TNRC18: variants seen among roughly 807,000 people sequenced by gnomAD.
The protein encoded by TNRC18 is trinucleotide repeat-containing gene 18 protein.
TNRC18 carries 69 observed loss-of-function variants against 226.7 expected under a neutral mutation model. The observed-to-expected ratio is 0.30, with a 90% CI of 0.25 to 0.37. The LOEUF (loss-of-function observed/expected upper bound fraction) is 0.37, where lower values mean the gene tolerates loss of function less well. Among genes scored for constraint, TNRC18 ranks in the 10% least tolerant of loss-of-function variants. The probability of loss-of-function intolerance (pLI) is 1.00; values close to 1 mark genes in which losing one functional copy is unlikely to be tolerated. For missense variants in TNRC18, 4,754 were observed against 4,256.6 expected, an observed-to-expected ratio of 1.12 and a Z score of -3.25; for synonymous variants, 2,449 against 1,927.6, an observed-to-expected ratio of 1.27 and a Z score of -7.09.
chr7:5,343,081 C>T (rs908563147), intron 18 of TNRC18, among the ~76,000 whole-genome samples: 2 of 152,262 alleles, frequency 1.3e-5, no homozygotes, highest in East Asian at 3.9e-4. Flanking sequence ...CGTCCAGGCG[C>T]GGTGGCTCAC....
At chr7:5,404,113 C>G (rs1781300768) in intron 2 of TNRC18, among the ~76,000 whole-genome samples, 1 of 152,158 alleles carries the variant, frequency 6.6e-6, no homozygotes, top group Non-Finnish European at 1.5e-5. Flanking sequence ...TGGACCATGC[C>G]TGTAATCCCA....
chr7:5,352,797 C>T (rs1387178563), intron 16 of TNRC18, among the ~76,000 whole-genome samples: 3 of 152,244 alleles, frequency 2.0e-5, no homozygotes, highest in South Asian at 2.1e-4. Context: ...AGGCAGGCAA[C>T]GCTCCGGCCC....
At chr7:5,356,811 C>A (rs566064655) in intron 16 of TNRC18, 105 bp downstream of exon 16, 3 of 1,372,644 alleles carry the variant, frequency 2.2e-6, no homozygotes, top group African/African-American at 3.5e-5. Context: ...AGAGCGAGAG[C>A]GAGAGAGAGA....
intron 11 of TNRC18, 91 bp from the exon 12 acceptor site, chr7:5,362,916 C>G: frequency 1.5e-6 from 2 of 1,343,716 alleles, no homozygotes; most frequent in Non-Finnish European, 2.0e-6. Flanking sequence ...GCGCAGGCCC[C>G]AGGCCACACG....
intron 3 of TNRC18, among the ~76,000 whole-genome samples, chr7:5,392,086 G>C (rs1349876992): frequency 6.6e-6 from 1 of 151,996 alleles, no homozygotes; most frequent in Non-Finnish European, 1.5e-5. Flanking sequence ...CTTCTCTCCA[G>C]CACCGCCTTG....
At position 5,324,914 on chromosome 7, in the gene TNRC18, T is replaced by C. The variant is rs1028885840; in HGVS notation, c.6300+182A>G. ...ACATTTCCTGAGGACAGGAGCAGAG[T>C]CCCCAGTATCTCCTTATCCCTGGAG... On this transcript the variant is annotated intron_variant, in intron 20 of 29. Coordinates refer to ENST00000430969, the MANE Select transcript of TNRC18 (RefSeq NM_001080495.3). The surrounding 1 kb of genome is among the most constrained non-coding windows in gnomAD (Gnocchi z 4.8). Among the ~76,000 whole-genome samples, 1 of 151,870 alleles carries C rather than the reference T, an allele frequency of 6.6e-6. No homozygotes were observed. The highest frequency in any genetic ancestry group is 1.5e-5 in the Non-Finnish European group (1 of 67,948).
rs765914741 is a variant in TNRC18 at position 5,371,026 on chromosome 7, G to A, written c.3568C>T (p.Pro1190Ser). 6.2e-7 allele frequency: 1 copy of A among 1,609,422 alleles called. No individual in the cohort carries two copies. Among genetic ancestry groups the A allele is most frequent in the South Asian group, 1.1e-5 (1 of 91,064 alleles). The change falls in exon 11 of 30, where the codon CCC becomes TCC. Residue 1190 changes from proline (P) to serine (S), a missense_variant. Physicochemically the swap from Pro to Ser is moderately conservative, Grantham distance 74. Coordinates refer to ENST00000430969, the MANE Select transcript of TNRC18 (RefSeq NM_001080495.3). ...PLPAAEAMAT[P>S]SPAGGCGGGL... ...CCTCCACAACCCCCTGCAGGGCTGG[G>A]GGTAGCCATGGCTTCCGCGGCGGGC...
chr7:5,348,165 G>A (rs376643222), intron 17 of TNRC18, among the ~76,000 whole-genome samples: 1 of 152,168 alleles, frequency 6.6e-6, no homozygotes, highest in African/African-American at 2.4e-5. Context: ...ACCAAAAAGA[G>A]AGACTGTCTT....
Position 5,388,998 on chromosome 7 carries a change from G to A in TNRC18, c.826C>T (p.Leu276=). 7.3e-7 allele frequency: 1 copy of A among 1,361,514 alleles called. No individual in the cohort carries two copies. The highest frequency in any genetic ancestry group is 9.5e-7 in the Non-Finnish European group (1 of 1,049,404). The allele number at this position is 1,361,514 out of a possible 1,614,324, so 84.3% of individuals were successfully genotyped here. Residue 276 remains leucine, a synonymous_variant, in exon 5 of 30, where the codon CTG becomes TTG. Coordinates refer to ENST00000430969, the MANE Select transcript of TNRC18 (RefSeq NM_001080495.3). ...LAESKTKNAA[L]QPSVLTMCNG... is the part of the protein sequence containing the mutation. ...CACATGGTCAGTACCGACGGCTGCA[G>A]CGCCGCATTCTTGGTCTTGGACTCA...
intron 2 of TNRC18, chr7:5,420,003 G>T (rs1163188781): frequency 6.3e-6 from 1 of 157,938 alleles, no homozygotes; most frequent in Non-Finnish European, 1.4e-5. Context: ...TTTTTAAGTC[G>T]AGACTTGGGA....
intron 26 of TNRC18, 96 bp from the exon 27 acceptor site, chr7:5,313,959 T>A: frequency 7.8e-7 from 1 of 1,288,196 alleles, no homozygotes; most frequent in Non-Finnish European, 9.9e-7. Flanking sequence ...TGAGTTTTGT[T>A]TTTGTTTTTG....
At chr7:5,328,853 T>C (rs1429835085) in intron 19 of TNRC18, among the ~76,000 whole-genome samples, 1 of 152,088 alleles carries the variant, frequency 6.6e-6, no homozygotes, top group Non-Finnish European at 1.5e-5. Context: ...CAAGGTGTGT[T>C]GGTGTGCCAC....
chr7:5,337,672 A>G (rs141079333), intron 18 of TNRC18, among the ~76,000 whole-genome samples: 12 of 152,276 alleles, frequency 7.9e-5, no homozygotes, highest in East Asian at 1.9e-4. Flanking sequence ...ATTTCCTTAT[A>G]AGCCATTTAA....
At chr7:5,398,096 G>C (rs1022939791) in intron 2 of TNRC18, among the ~76,000 whole-genome samples, 1 of 151,930 alleles carries the variant, frequency 6.6e-6, no homozygotes, top group Non-Finnish European at 1.5e-5. Context: ...CAACTCCTGA[G>C]CTCAATCAAT....
chr7:5,373,703 C>G (rs1794368891), intron 10 of TNRC18, among the ~76,000 whole-genome samples: 1 of 152,096 alleles, frequency 6.6e-6, no homozygotes, highest in Non-Finnish European at 1.5e-5. Context: ...GGAAAGCTGC[C>G]CAGAATGGGT....
At chr7:5,415,160 C>T (rs1392755906) in intron 2 of TNRC18, among the ~76,000 whole-genome samples, 1 of 152,104 alleles carries the variant, frequency 6.6e-6, no homozygotes, top group African/African-American at 2.4e-5. Flanking sequence ...CCCCTCCCAC[C>T]AGCTCCAGCC....
At chr7:5,323,978 G>A (rs1180412747) in intron 21 of TNRC18, among the ~76,000 whole-genome samples, 1 of 152,222 alleles carries the variant, frequency 6.6e-6, no homozygotes, top group Non-Finnish European at 1.5e-5. Flanking sequence ...AAGCCCCGCA[G>A]GACCTGCCTC....
chr7:5,345,830 G>C lies in TNRC18; in HGVS notation c.5471-20C>G, dbSNP rs1435864647. 3.9e-6 allele frequency: 6 copies of C among 1,535,054 alleles called. No homozygotes were observed. In the South Asian group the frequency reaches 6.0e-5, roughly 15 times the overall value. ...TCTCATCTGGCGTGCAGAAAACAGG[G>C]ACCGAGTCAGAGCCTTGGCCTTGGC... On this transcript the variant is annotated intron_variant, in intron 17 of 29. Transcript: ENST00000430969.
At chr7:5,405,202 A>C (rs1019936622) in intron 2 of TNRC18, among the ~76,000 whole-genome samples, 2 of 152,130 alleles carry the variant, frequency 1.3e-5, no homozygotes, top group Admixed American at 6.6e-5. Flanking sequence ...CTGAGGCAGG[A>C]GGATCACTTG....
Sources: gnomAD v4.1 joint callset for allele counts (sites outside exome capture counted in the v4.1 genomes callset) on GRCh38, gnomAD v4.1.1 for gene constraint, Gnocchi (gnomAD v3.1) non-coding constraint, MANE v1.5 for transcripts, NCBI Gene and HGNC (gene_info 2026-07-23, HGNC 2026-07-21) for gene names.